HEPHL1: variants seen among roughly 807,000 people sequenced by gnomAD.
HEPHL1 encodes the protein ferroxidase HEPHL1.
In HEPHL1, 123 loss-of-function variants were observed where a neutral mutation model predicts 122.0. The ratio of observed to expected loss-of-function variants is 1.01; its 90% CI spans 0.87 to 1.17. The LOEUF (loss-of-function observed/expected upper bound fraction) is 1.17, where lower values mean the gene tolerates loss of function less well. Among genes scored for constraint, HEPHL1 ranks in the 50% most tolerant of loss-of-function variants. The probability of loss-of-function intolerance (pLI) is 0.00; values close to 1 mark genes in which losing one functional copy is unlikely to be tolerated. For missense variants in HEPHL1, 1,452 were observed against 1,430.5 expected (o/e 1.01, Z -0.24); for synonymous variants, 527 against 508.9 (o/e 1.04, Z -0.48).
intron 8 of HEPHL1, among the ~76,000 whole-genome samples, chr11:94,074,163 T>C (rs1182428015): frequency 6.6e-6 from 1 of 152,070 alleles, no homozygotes; most frequent in Non-Finnish European, 1.5e-5. Flanking sequence ...TTTGTGGTGA[T>C]AGTGAGGGGA....
intron 18 of HEPHL1, 92 bp downstream of exon 18, chr11:94,111,157 C>A: frequency 1.0e-6 from 1 of 974,410 alleles, no homozygotes; most frequent in Non-Finnish European, 1.5e-6. Context: ...AGATATAGCC[C>A]TCAACAAGCT....
intron 2 of HEPHL1, among the ~76,000 whole-genome samples, chr11:94,061,154 A>G (rs1007426838): frequency 6.6e-6 from 1 of 152,166 alleles, no homozygotes; most frequent in Non-Finnish European, 1.5e-5. Flanking sequence ...CTGAGGACCA[A>G]GCTTGGTAGA....
chr11:94,053,396 T>C (rs1295131816), intron 2 of HEPHL1, among the ~76,000 whole-genome samples: 2 of 152,070 alleles, frequency 1.3e-5, no homozygotes, highest in African/African-American at 4.8e-5. Flanking sequence ...GTTGATCTTT[T>C]CTAAGTACCA....
chr11:94,041,093 A>T (rs889364007), intron 1 of HEPHL1, among the ~76,000 whole-genome samples: 5 of 141,804 alleles, frequency 3.5e-5, no homozygotes, highest in African/African-American at 1.3e-4. Flanking sequence ...ACAAACAGAG[A>T]GCCAAATCAT....
Position 94,110,623 on chromosome 11 carries a change from T to C in HEPHL1, c.3046-280T>C, listed in dbSNP as rs534123478. On this transcript the variant is annotated intron_variant, in intron 17 of 19. Transcript: ENST00000315765. ...CATACCAACCCTTATACAATGTAGGTAGGAACCACAAAGGTTATGAATACC... is the reference window on the plus strand; with the variant it reads ...CATACCAACCCTTATACAATGTAGGCAGGAACCACAAAGGTTATGAATACC... Among the ~76,000 whole-genome samples the C allele has an allele frequency of 3.9e-5, 6 of 152,338 alleles. No homozygotes were observed. In the South Asian group the frequency reaches 6.2e-4, roughly 16 times the overall value.
At chr11:94,080,720 G>A (rs1315487831) in intron 9 of HEPHL1, among the ~76,000 whole-genome samples, 4 of 152,212 alleles carry the variant, frequency 2.6e-5, no homozygotes, top group East Asian at 1.9e-4. Context: ...TTAGAGAAAT[G>A]CAAATGAAAA....
At chr11:94,047,113 G>T (rs1331181106) in intron 2 of HEPHL1, among the ~76,000 whole-genome samples, 1 of 152,222 alleles carries the variant, frequency 6.6e-6, no homozygotes, top group Admixed American at 6.5e-5. Context: ...GTGCAGCCAA[G>T]ATTTGGTAGT....
intron 3 of HEPHL1, 22 bp downstream of exon 3, chr11:94,063,742 T>TA (rs1180445341): frequency 6.3e-7 from 1 of 1,594,208 alleles, no homozygotes; most frequent in South Asian, 1.1e-5. Context: ...TGTTTCCAGG[T>TA]AACTAGGGAG....
intron 1 of HEPHL1, among the ~76,000 whole-genome samples, chr11:94,042,300 T>C (rs1185908322): frequency 1.5e-5 from 2 of 130,622 alleles, no homozygotes; most frequent in Non-Finnish European, 3.2e-5. Flanking sequence ...GTTCAACCAT[T>C]GTGGAAGTCA....
chr11:94,097,460 G>A (rs577393954), intron 13 of HEPHL1, among the ~76,000 whole-genome samples: 2 of 152,318 alleles, frequency 1.3e-5, no homozygotes, highest in South Asian at 4.2e-4. Flanking sequence ...TTTGGAATAA[G>A]TGCGATGTGG....
At chr11:94,070,683 T>C in intron 6 of HEPHL1, 141 bp downstream of exon 6, 1 of 671,740 alleles carries the variant, frequency 1.5e-6, no homozygotes, top group Non-Finnish European at 2.4e-6. Flanking sequence ...GCTTAAGGTG[T>C]TCTTAATACT....
chr11:94,079,890 A>G (rs957613459), intron 9 of HEPHL1, among the ~76,000 whole-genome samples: 30 of 152,282 alleles, frequency 2.0e-4, no homozygotes, highest in African/African-American at 7.2e-4. Flanking sequence ...ACAGGAAAGC[A>G]TTGAGGGATA....
chr11:94,035,958 G>A (rs1054111801), intron 1 of HEPHL1, among the ~76,000 whole-genome samples: 9 of 152,094 alleles, frequency 5.9e-5, no homozygotes, highest in Non-Finnish European at 1.0e-4. Context: ...GGATGGTCTC[G>A]ATCTCCTGAC....
chr11:94,095,656 C>T (rs1465627918), intron 13 of HEPHL1, among the ~76,000 whole-genome samples: 1 of 152,170 alleles, frequency 6.6e-6, no homozygotes, highest in African/African-American at 2.4e-5. Flanking sequence ...TATCCATGAG[C>T]ATGGAATATT....
chr11:94,106,191 C>G, intron 17 of HEPHL1, 61 bp downstream of exon 17: 3 of 1,329,138 alleles, frequency 2.3e-6, no homozygotes, highest in Non-Finnish European at 3.1e-6. Context: ...CAATGTATTT[C>G]CAGTGGAAAA....
chr11:94,076,178 C>T (rs1211431226), intron 9 of HEPHL1, among the ~76,000 whole-genome samples: 1 of 152,122 alleles, frequency 6.6e-6, no homozygotes, highest in Non-Finnish European at 1.5e-5. Context: ...CCTTTCTCTA[C>T]ATGAAGGAAC....
chr11:94,093,971 GATATATATATATAT>G lies in HEPHL1; in HGVS notation c.2434+361_2434+374del, dbSNP rs201036709. 2.2e-3 allele frequency among the ~76,000 whole-genome samples: 159 copies of G among 72,774 alleles called. 12 individuals are homozygous for G. The highest frequency in any genetic ancestry group is 4.5e-3 in the African/African-American group (92 of 20,304). The allele number at this position is 72,774 out of a possible 152,430, so 47.7% of individuals were successfully genotyped here. A position where few individuals can be genotyped will look rare whatever the true frequency, so the allele number is the denominator to read the frequency against. On this transcript the variant is annotated intron_variant, in intron 13 of 19. Transcript: ENST00000315765. ...AAATTTTCTTTTAAATCCTCCAGCAGATATATATATATATATATATATATATATATATATATATA... is the reference window on the plus strand; with the variant it reads ...AAATTTTCTTTTAAATCCTCCAGCAGATATATATATATATATATATATATA...
intron 17 of HEPHL1, among the ~76,000 whole-genome samples, chr11:94,110,535 A>T (rs1946440162): frequency 6.6e-6 from 1 of 152,180 alleles, no homozygotes; most frequent in Non-Finnish European, 1.5e-5. Flanking sequence ...CTAACACAGA[A>T]GTAATGATAA....
chr11:94,041,957 A>C (rs1051739939), intron 1 of HEPHL1, among the ~76,000 whole-genome samples: 2 of 80,634 alleles, frequency 2.5e-5, no homozygotes, highest in African/African-American at 1.1e-4. Flanking sequence ...ATGGGAGAAA[A>C]TTTTCGCAAC....
Sources: allele counts gnomAD v4.1 joint callset (sites outside exome capture counted in the v4.1 genomes callset), GRCh38; gene constraint gnomAD v4.1.1; transcripts MANE v1.5; gene names NCBI Gene and HGNC (gene_info 2026-07-23, HGNC 2026-07-21).